Variants in MAML1 observed in about 807,000 individuals in gnomAD.
The protein encoded by MAML1 is mastermind-like protein 1.
Under a neutral mutation model 77.1 loss-of-function variants are expected in MAML1, and 14 were observed. That is an observed-to-expected ratio of 0.18 (90% CI 0.12 to 0.28). The LOEUF (loss-of-function observed/expected upper bound fraction) is 0.28, where lower values mean the gene tolerates loss of function less well. MAML1 is among the 10% of genes least tolerant of loss of function. MAML1 has a pLI of 1.00. For synonymous variants in MAML1, 516 were observed against 551.9 expected (o/e 0.93, Z 0.91); for missense variants, 1,217 against 1,327.8 (o/e 0.92, Z 1.30).
intron 1 of MAML1, among the ~76,000 whole-genome samples, chr5:179,753,794 A>T: frequency 6.7e-6 from 1 of 149,976 alleles, no homozygotes; most frequent in Non-Finnish European, 1.5e-5. Context: ...TCAGTCTCCC[A>T]AGTAGCTAGC....
chr5:179,761,182 C>T (rs1779719568), intron 1 of MAML1, among the ~76,000 whole-genome samples: 1 of 151,522 alleles, frequency 6.6e-6, no homozygotes, highest in Non-Finnish European at 1.5e-5. Flanking sequence ...TCGCTTCGGC[C>T]CAGGAGTTTG....
intron 1 of MAML1, among the ~76,000 whole-genome samples, chr5:179,739,282 CTG>C (rs1230423740): frequency 6.6e-6 from 1 of 152,120 alleles, no homozygotes; most frequent in Non-Finnish European, 1.5e-5. Context: ...TTTTGGGAAG[CTG>C]TGGTGGGAGG....
intron 1 of MAML1, among the ~76,000 whole-genome samples, chr5:179,740,527 C>T (rs139845130): frequency 0.013 from 1,993 of 152,124 alleles, 40 homozygotes; most frequent in African/African-American, 0.042. Flanking sequence ...CCGCCCATCT[C>T]GGCCTCCTAA....
intron 1 of MAML1, among the ~76,000 whole-genome samples, chr5:179,742,503 A>G (rs1581924980): frequency 6.7e-6 from 1 of 149,576 alleles, no homozygotes; most frequent in Non-Finnish European, 1.5e-5. Context: ...TAAATAATAA[A>G]AAAAAAACCA....
At chr5:179,742,242 A>G (rs1779297187) in intron 1 of MAML1, among the ~76,000 whole-genome samples, 1 of 150,848 alleles carries the variant, frequency 6.6e-6, no homozygotes, top group African/African-American at 2.4e-5. Flanking sequence ...TAATCCCAGC[A>G]CTTTGGGAGG....
Position 179,775,981 on chromosome 5 carries a change from A to C in MAML1, c.*1104A>C. On this transcript the variant is annotated 3_prime_UTR_variant, in exon 5 of 5. Transcript: ENST00000292599. ...TCCACTTGGTTTGACAACTTCTGCC[A>C]CTCCCATGTCAGATGACTTGCACTT... 2 of 985,668 alleles carry C rather than the reference A, an allele frequency of 2.0e-6. No homozygotes were observed. The highest frequency in any genetic ancestry group is 2.4e-6 in the Non-Finnish European group (2 of 829,920). The allele number at this position is 985,668 out of a possible 1,614,324, so 61.1% of individuals were successfully genotyped here. A position where few individuals can be genotyped will look rare whatever the true frequency, so the allele number is the denominator to read the frequency against.
At chr5:179,741,570 C>T (rs1395278981) in intron 1 of MAML1, among the ~76,000 whole-genome samples, 2 of 151,432 alleles carry the variant, frequency 1.3e-5, no homozygotes, top group Admixed American at 6.6e-5. Context: ...CCTGTAATCC[C>T]AGTTACTCAG....
intron 1 of MAML1, among the ~76,000 whole-genome samples, chr5:179,759,076 A>G (rs1779678171): frequency 6.6e-6 from 1 of 152,084 alleles, no homozygotes. Flanking sequence ...TTTTCTGGTA[A>G]TGACAGCTGC....
rs1484292482 is a variant in MAML1, at chr5:179,766,453, C to T, written c.1443C>T (p.Tyr481=). Residue 481 remains tyrosine (Y), a synonymous_variant, in exon 2 of 5, where the codon TAC becomes TAT. Transcript: ENST00000292599. This position sits in a 1 kb window ranked among gnomAD's most constrained non-coding sequence, Gnocchi z 4.0. ...GTTCCCCTCGGCCCGGAGGCCCCTA[C>T]CTCCAGCCCAGCCATGTGAACCTGC... The part of the protein sequence containing the change: ...NKSSPRPGGP[Y]LQPSHVNLLS... The T allele has an allele frequency of 1.9e-6, 3 of 1,612,540 alleles. No individual in the cohort carries two copies. The highest frequency in any genetic ancestry group is 2.2e-5 in the East Asian group (1 of 44,882).
Position 179,776,780 on chromosome 5 carries a change from C to T in MAML1, c.*1903C>T, listed in dbSNP as rs1756143412. The T allele has an allele frequency of 1.0e-6, 1 of 985,950 alleles. No homozygotes were observed. Among genetic ancestry groups the T allele is most frequent in the Non-Finnish European group, 1.2e-6 (1 of 829,998 alleles). 61.1% of individuals were successfully genotyped at this position (985,950 alleles called of 1,614,324 possible). On this transcript the variant is annotated 3_prime_UTR_variant, in exon 5 of 5. Transcript: ENST00000292599. Reference sequence around the variant, plus strand: ...CCTGGGGCCGGCGACACAGTGGGGGCTCCTCACTTGCTGCAGTGTCATAGC... The same window carrying T: ...CCTGGGGCCGGCGACACAGTGGGGGTTCCTCACTTGCTGCAGTGTCATAGC...
At chr5:179,759,813 G>T (rs1779692316) in intron 1 of MAML1, among the ~76,000 whole-genome samples, 2 of 152,356 alleles carry the variant, frequency 1.3e-5, no homozygotes, top group South Asian at 4.1e-4. Flanking sequence ...AGGAACACAG[G>T]TTGGGAGGGC....
At chr5:179,755,940 A>G (rs1469055930) in intron 1 of MAML1, among the ~76,000 whole-genome samples, 3 of 151,112 alleles carry the variant, frequency 2.0e-5, no homozygotes, top group Non-Finnish European at 4.4e-5. Context: ...AATTTTTTGT[A>G]TTTTTAGTAG....
At chr5:179,736,964 TTAAA>T (rs768468852) in intron 1 of MAML1, among the ~76,000 whole-genome samples, 2 of 86,084 alleles carry the variant, frequency 2.3e-5, no homozygotes, top group Non-Finnish European at 6.4e-5. Flanking sequence ...CCGTCTCAAA[TTAAA>T]AAAAAAAAAA....
Position 179,765,765 on chromosome 5 carries a change from A to T in MAML1, c.755A>T (p.Lys252Met). The change falls in exon 2 of 5, where the codon AAG becomes ATG. Residue 252 changes from lysine to methionine, a missense_variant. This residue lies in a region of MAML1 where 21 missense variants were observed against 47.1 expected (regional missense o/e 0.45). Coordinates refer to ENST00000292599, the MANE Select transcript of MAML1 (RefSeq NM_014757.5). The stretch of plus-strand genomic sequence containing the variant: ...CTCAACCTTAACGAGCAGGAGTGGA[A>T]GGAGCTCATCGAGGAGCTGAACAGG... Reference protein sequence around the residue: ...PDLNLNEQEWKELIEELNRSV... With the variant: ...PDLNLNEQEWMELIEELNRSV... The T allele has an allele frequency of 6.2e-7, 1 of 1,614,168 alleles. No individual in the cohort carries two copies. Among genetic ancestry groups the T allele is most frequent in the Non-Finnish European group, 8.5e-7 (1 of 1,180,006 alleles).
intron 1 of MAML1, among the ~76,000 whole-genome samples, chr5:179,735,779 C>T (rs773229372): frequency 2.0e-5 from 3 of 152,020 alleles, no homozygotes; most frequent in Non-Finnish European, 2.9e-5. Context: ...CCTCTGCCTC[C>T]CCGGTTCAAG....
At chr5:179,757,222 T>C (rs923806830) in intron 1 of MAML1, among the ~76,000 whole-genome samples, 10 of 152,172 alleles carry the variant, frequency 6.6e-5, no homozygotes, top group African/African-American at 2.4e-4. Context: ...ATGAGTACTC[T>C]ATGAGCCCCT....
intron 1 of MAML1, among the ~76,000 whole-genome samples, chr5:179,764,470 G>T (rs1277998057): frequency 1.3e-5 from 2 of 152,060 alleles, no homozygotes; most frequent in African/African-American, 2.4e-5. Flanking sequence ...AGACCAGTCT[G>T]ACCAACATGG....
At chr5:179,763,419 T>C (rs1382365563) in intron 1 of MAML1, among the ~76,000 whole-genome samples, 2 of 150,998 alleles carry the variant, frequency 1.3e-5, no homozygotes, top group Non-Finnish European at 2.9e-5. Flanking sequence ...GTTGCTTACC[T>C]CTGCCCTGCA....
chr5:179,770,047 C>A (rs556936157), intron 3 of MAML1, among the ~76,000 whole-genome samples: 1 of 152,324 alleles, frequency 6.6e-6, no homozygotes, highest in Admixed American at 6.5e-5. Context: ...TTACCACAAT[C>A]CATTTTAGAA....
Sources: allele counts gnomAD v4.1 joint callset (sites outside exome capture counted in the v4.1 genomes callset), GRCh38; gene constraint gnomAD v4.1.1; regional missense constraint gnomAD v4.1.1; non-coding constraint Gnocchi (gnomAD v3.1); transcripts MANE v1.5; gene names NCBI Gene and HGNC (gene_info 2026-07-23, HGNC 2026-07-21).